The following ARHGEF7 variants were observed in gnomAD, a reference collection of about 807,000 sequenced individuals.
The protein encoded by ARHGEF7 is PAK-interacting exchange factor beta.
ARHGEF7 carries 33 observed loss-of-function variants against 109.8 expected under a neutral mutation model. The observed-to-expected ratio is 0.30, with a 90% CI of 0.23 to 0.40. The LOEUF is 0.40. Among genes scored for constraint, ARHGEF7 ranks in the 10% least tolerant of loss-of-function variants. ARHGEF7 has a pLI of 1.00. For synonymous variants in ARHGEF7, 458 were observed against 424.6 expected, an observed-to-expected ratio of 1.08 and a Z score of -0.97; for missense variants, 938 against 1,098.5, an observed-to-expected ratio of 0.85 and a Z score of 2.07.
Position 111,288,415 on chromosome 13 carries a change from C to T in ARHGEF7, c.2106C>T (p.Ser702=), listed in dbSNP as rs1184325204. Residue 702 remains serine (S), a synonymous_variant, in exon 18 of 22, where the codon AGC becomes AGT. Transcript: ENST00000646102. ...AAGTCATTGAAGCTTACTGCACCAGCGCCAAAACAAGGCAAACACTCAATT... is the reference window on the plus strand; with the variant it reads ...AAGTCATTGAAGCTTACTGCACCAGTGCCAAAACAAGGCAAACACTCAATT... ...ILKVIEAYCT[S]AKTRQTLNST... 1.8e-5 allele frequency: 29 copies of T among 1,613,462 alleles called. No individual in the cohort carries two copies. Among genetic ancestry groups the T allele is most frequent in the South Asian group, 6.6e-5 (6 of 91,022 alleles).
intron 2 of ARHGEF7, among the ~76,000 whole-genome samples, chr13:111,186,084 G>A (rs1210231127): frequency 1.3e-5 from 2 of 151,826 alleles, no homozygotes; most frequent in East Asian, 1.9e-4. Context: ...ACAGCATGCC[G>A]TGGTCCTAAG....
At chr13:111,302,568 G>C (rs1271002339) in intron 21 of ARHGEF7, among the ~76,000 whole-genome samples, 1 of 152,192 alleles carries the variant, frequency 6.6e-6, no homozygotes, top group African/African-American at 2.4e-5. Flanking sequence ...ACATGCCTGG[G>C]TTCAGCTGCA....
At chr13:111,203,418 A>T (rs941738508) in intron 2 of ARHGEF7, among the ~76,000 whole-genome samples, 1 of 152,234 alleles carries the variant, frequency 6.6e-6, no homozygotes, top group African/African-American at 2.4e-5. Context: ...TATTACAACA[A>T]ATGTATTCTG....
chr13:111,143,504 T>A (rs1041499437), intron 1 of ARHGEF7: 1 of 152,224 alleles, frequency 6.6e-6, no homozygotes, highest in African/African-American at 2.4e-5. Context: ...AAGAAAGTGA[T>A]GGGCAGCTCT....
intron 2 of ARHGEF7, among the ~76,000 whole-genome samples, chr13:111,181,407 T>C (rs1016753957): frequency 2.6e-5 from 4 of 152,002 alleles, no homozygotes; most frequent in Admixed American, 6.5e-5. Context: ...CTGGAAGAGG[T>C]GGAGGTCATT....
At position 111,272,880 on chromosome 13, in the gene ARHGEF7, G is replaced by A. The variant is rs149975836; in HGVS notation, c.1074-934G>A. Among the ~76,000 whole-genome samples, 4 of 152,120 alleles carry A rather than the reference G, an allele frequency of 2.6e-5. No individual in the cohort carries two copies. The highest frequency in any genetic ancestry group is 9.7e-5 in the African/African-American group (4 of 41,414). On this transcript the variant is annotated intron_variant, in intron 9 of 21. Transcript: ENST00000646102. This position sits in a 1 kb window ranked among gnomAD's most constrained non-coding sequence, Gnocchi z 5.2. ...CAGGTGACTGTCAGCCTTAACAAAC[G>A]TGTGGGTGAAGAGCTGGACCCCCCA...
At chr13:111,124,568 G>C (rs1201790094) in intron 1 of ARHGEF7, among the ~76,000 whole-genome samples, 1 of 152,164 alleles carries the variant, frequency 6.6e-6, no homozygotes, top group African/African-American at 2.4e-5. Context: ...GGGGTGGCCA[G>C]CTGTGATGGG....
intron 3 of ARHGEF7, among the ~76,000 whole-genome samples, chr13:111,206,787 C>G (rs1047441762): frequency 6.6e-6 from 1 of 151,814 alleles, no homozygotes; most frequent in South Asian, 2.1e-4. Flanking sequence ...CGGTGAAACC[C>G]CGTCTCAACT....
intron 8 of ARHGEF7, among the ~76,000 whole-genome samples, chr13:111,260,169 A>G (rs2090931461): frequency 6.6e-6 from 1 of 152,246 alleles, no homozygotes; most frequent in Non-Finnish European, 1.5e-5. Flanking sequence ...GAGGAAGTAA[A>G]GAGAGACATA....
intron 8 of ARHGEF7, among the ~76,000 whole-genome samples, chr13:111,257,372 T>G (rs1191044428): frequency 2.0e-5 from 3 of 152,252 alleles, no homozygotes; most frequent in Non-Finnish European, 4.4e-5. Flanking sequence ...TTTGTTGACT[T>G]GTATATGATA....
intron 8 of ARHGEF7, among the ~76,000 whole-genome samples, chr13:111,247,911 G>A (rs1156861427): frequency 6.6e-6 from 1 of 152,186 alleles, no homozygotes; most frequent in Non-Finnish European, 1.5e-5. Context: ...CTTCCTTGGG[G>A]CCTCGACCTG....
At chr13:111,150,856 T>C (rs2075853617) in intron 1 of ARHGEF7, among the ~76,000 whole-genome samples, 1 of 152,236 alleles carries the variant, frequency 6.6e-6, no homozygotes. Flanking sequence ...CATCGTGCAA[T>C]GAACTGGGGC....
intron 2 of ARHGEF7, among the ~76,000 whole-genome samples, chr13:111,202,454 C>T (rs910562611): frequency 2.0e-5 from 3 of 152,152 alleles, no homozygotes; most frequent in East Asian, 1.9e-4. Context: ...AATTGCTGCT[C>T]CTGAGGCTGA....
chr13:111,217,187 A>G (rs2083252565), intron 4 of ARHGEF7, among the ~76,000 whole-genome samples: 1 of 152,232 alleles, frequency 6.6e-6, no homozygotes, highest in African/African-American at 2.4e-5. Flanking sequence ...TAGACATACA[A>G]ATATTTTTAA....
chr13:111,282,524 G>A (rs776698381), intron 15 of ARHGEF7, among the ~76,000 whole-genome samples: 1 of 152,138 alleles, frequency 6.6e-6, no homozygotes, highest in African/African-American at 2.4e-5. Context: ...CCAGGGTTTG[G>A]CAGTGTTCAG....
intron 1 of ARHGEF7, among the ~76,000 whole-genome samples, chr13:111,129,987 G>A (rs1371679362): frequency 6.6e-6 from 1 of 152,204 alleles, no homozygotes; most frequent in Non-Finnish European, 1.5e-5. Flanking sequence ...ATGTTTTACA[G>A]TTGGTGAATA....
At chr13:111,181,546 C>T (rs1056793382) in intron 2 of ARHGEF7, among the ~76,000 whole-genome samples, 1 of 152,110 alleles carries the variant, frequency 6.6e-6, no homozygotes, top group Non-Finnish European at 1.5e-5. Flanking sequence ...GTCTGGATTT[C>T]ATTGTGGTGG....
intron 8 of ARHGEF7, among the ~76,000 whole-genome samples, chr13:111,256,057 GC>G (rs533479489): frequency 1.3e-5 from 2 of 152,292 alleles, no homozygotes; most frequent in South Asian, 4.1e-4. Flanking sequence ...TTAACCGCCA[GC>G]TAGTTAAGCC....
chr13:111,173,573 C>G (rs2077802051), intron 2 of ARHGEF7, among the ~76,000 whole-genome samples: 1 of 152,204 alleles, frequency 6.6e-6, no homozygotes, highest in Non-Finnish European at 1.5e-5. Context: ...AGTGTATTCA[C>G]TGATTGGAAG....
Sources: gnomAD v4.1 joint callset for allele counts (sites outside exome capture counted in the v4.1 genomes callset) on GRCh38, gnomAD v4.1.1 for gene constraint, Gnocchi (gnomAD v3.1) non-coding constraint, MANE v1.5 for transcripts, NCBI Gene and HGNC (gene_info 2026-07-23, HGNC 2026-07-21) for gene names.